Variants in ETHE1 observed in about 807,000 individuals in gnomAD.
ETHE1 encodes ETHE1 persulfide dioxygenase, also known as persulfide dioxygenase ETHE1, mitochondrial.
Under a neutral mutation model 25.7 loss-of-function variants are expected in ETHE1, and 16 were observed. The observed-to-expected ratio is 0.62, with a 90% CI of 0.42 to 0.95. The LOEUF (loss-of-function observed/expected upper bound fraction) is 0.95. Ranked by LOEUF, ETHE1 falls within the 40% of genes least tolerant of loss-of-function variation. The probability of loss-of-function intolerance (pLI) is 0.00; values close to 1 mark genes in which losing one functional copy is unlikely to be tolerated. For synonymous variants in ETHE1, 139 were observed against 135.9 expected, an observed-to-expected ratio of 1.02 and a Z score of -0.16; for missense variants, 300 against 333.6, an observed-to-expected ratio of 0.90 and a Z score of 0.79.
intron 5 of ETHE1, 35 bp from the exon 6 acceptor site, chr19:43,508,095 G>C: frequency 6.2e-7 from 1 of 1,611,544 alleles, no homozygotes; most frequent in Non-Finnish European, 8.5e-7. Context: ...AAGTCAAGGA[G>C]TCTAGTGCCT....
chr19:43,515,342 G>A (rs376685497), intron 3 of ETHE1, among the ~76,000 whole-genome samples: 4 of 151,380 alleles, frequency 2.6e-5, no homozygotes, highest in African/African-American at 4.9e-5. Flanking sequence ...GCTTTAACCC[G>A]GGAGGCGGAG....
intron 4 of ETHE1, among the ~76,000 whole-genome samples, chr19:43,509,275 C>G (rs1242367176): frequency 6.7e-6 from 1 of 148,738 alleles, no homozygotes; most frequent in South Asian, 2.2e-4. Context: ...GGTGGGTGGA[C>G]TACCTGAGGT....
chr19:43,509,789 C>G (rs1336691805), intron 4 of ETHE1, among the ~76,000 whole-genome samples: 1 of 152,024 alleles, frequency 6.6e-6, no homozygotes, highest in Non-Finnish European at 1.5e-5. Flanking sequence ...GAGCGAGACT[C>G]CGTCTCAAAA....
intron 3 of ETHE1, among the ~76,000 whole-genome samples, chr19:43,519,129 A>G (rs564543745): frequency 6.8e-6 from 1 of 146,262 alleles, no homozygotes; most frequent in East Asian, 2.1e-4. Flanking sequence ...CTCATGCTTC[A>G]GCCTCCTGAG....
At position 43,506,808 on chromosome 19, in the gene ETHE1, T is replaced by A; in HGVS notation, c.*42A>T. On this transcript the variant is annotated 3_prime_UTR_variant, in exon 7 of 7. Coordinates refer to ENST00000292147, the MANE Select transcript of ETHE1 (RefSeq NM_014297.5). The stretch of plus-strand genomic sequence containing the variant: ...GTCATTGCCGCCCTCTCCTCCCACC[T>A]AGTGCATTAATAGTGGATGGGAGCA... 6.4e-7 allele frequency: 1 copy of A among 1,566,718 alleles called. No homozygotes were observed. The highest frequency in any genetic ancestry group is 1.7e-5 in the Admixed American group (1 of 59,912).
chr19:43,526,582 T>C lies in ETHE1; in HGVS notation c.159A>G (p.Pro53=). Residue 53 remains proline, a synonymous_variant, in exon 2 of 7, where the codon CCA becomes CCG. Coordinates refer to ENST00000292147, the MANE Select transcript of ETHE1 (RefSeq NM_014297.5). Reference sequence around the variant, plus strand: ...CATCCCGAGGCGCTGTTTCCAGGACTGGGTCGATCAGAACGGCCTCCCGGG... The same window carrying C: ...CATCCCGAGGCGCTGTTTCCAGGACCGGGTCGATCAGAACGGCCTCCCGGG... The part of the protein sequence containing the change: ...RESREAVLID[P]VLETAPRDAQ... 1 of 1,614,078 alleles carries C rather than the reference T, an allele frequency of 6.2e-7. No homozygotes were observed. Among genetic ancestry groups the C allele is most frequent in the South Asian group, 1.1e-5 (1 of 91,068 alleles).
intron 3 of ETHE1, among the ~76,000 whole-genome samples, chr19:43,521,985 C>T (rs142021154): frequency 7.6e-4 from 116 of 152,036 alleles, no homozygotes; most frequent in African/African-American, 2.7e-3. Flanking sequence ...CAAGGAGGAT[C>T]GCTTGAGCCT....
Position 43,526,740 on chromosome 19 carries a change from C to T in ETHE1, c.82-81G>A, listed in dbSNP as rs771549133. On this transcript the variant is annotated intron_variant, in intron 1 of 6. Coordinates refer to ENST00000292147, the MANE Select transcript of ETHE1 (RefSeq NM_014297.5). ...CCAAGTAGTCCAGACTGACCCTATC[C>T]TCTTCCTAAGATCCAGAAGCAGAAA... is the stretch of plus-strand genomic sequence containing the variant. 166 of 1,603,510 alleles carry T rather than the reference C, an allele frequency of 1.0e-4. No homozygotes were observed. In the Middle Eastern group the frequency reaches 1.1e-3, roughly 11 times the overall value.
At chr19:43,521,998 G>A (rs1481099133) in intron 3 of ETHE1, among the ~76,000 whole-genome samples, 1 of 152,080 alleles carries the variant, frequency 6.6e-6, no homozygotes, top group South Asian at 2.1e-4. Context: ...TTGAGCCTAG[G>A]AGCCACCACA....
At chr19:43,524,001 C>T (rs1972189222) in intron 3 of ETHE1, among the ~76,000 whole-genome samples, 1 of 151,924 alleles carries the variant, frequency 6.6e-6, no homozygotes, top group Admixed American at 6.6e-5. Context: ...TTTGGGAGGC[C>T]AGGGCGCGCG....
chr19:43,508,857 G>A lies in ETHE1; in HGVS notation c.513C>T (p.Ala171=), dbSNP rs1299509126. The part of the protein sequence containing the change: ...CGRTDFQQGC[A]KTLYHSVHEK... ...CATGGACCGAGTGGTACAAGGTCTTGGCACAGCCTGGGGAAGGAAAGATCA... is the reference window on the plus strand; with the variant it reads ...CATGGACCGAGTGGTACAAGGTCTTAGCACAGCCTGGGGAAGGAAAGATCA... Residue 171 remains alanine, a synonymous_variant, in exon 5 of 7, where the codon GCC becomes GCT. Transcript: ENST00000292147. 1.9e-6 allele frequency: 3 copies of A among 1,604,282 alleles called. No individual in the cohort carries two copies. Among genetic ancestry groups the A allele is most frequent in the Non-Finnish European group, 8.5e-7 (1 of 1,175,556 alleles).
intron 4 of ETHE1, among the ~76,000 whole-genome samples, chr19:43,509,652 C>T (rs1231190445): frequency 2.6e-5 from 4 of 151,706 alleles, no homozygotes; most frequent in Non-Finnish European, 5.9e-5. Flanking sequence ...AAAAATTAGC[C>T]TGGCGTGATG....
chr19:43,508,698 C>T, intron 5 of ETHE1, 77 bp downstream of exon 5: 6 of 1,203,148 alleles, frequency 5.0e-6, no homozygotes, highest in South Asian at 1.3e-5. Flanking sequence ...CGTCTTCATG[C>T]CCTACAAGGA....
chr19:43,510,418 C>T (rs1971888781), intron 4 of ETHE1, among the ~76,000 whole-genome samples: 2 of 150,738 alleles, frequency 1.3e-5, no homozygotes, highest in African/African-American at 4.9e-5. Flanking sequence ...TCACTGCAAC[C>T]TCCGCCTCCT....
intron 1 of ETHE1, chr19:43,526,879 T>G: frequency 6.8e-7 from 1 of 1,473,086 alleles, no homozygotes; most frequent in Non-Finnish European, 8.9e-7. Context: ...CCCAGCACGT[T>G]CTTTCATAGA....
chr19:43,512,798 T>C (rs1433610008), intron 3 of ETHE1, among the ~76,000 whole-genome samples: 2 of 152,190 alleles, frequency 1.3e-5, no homozygotes, highest in Non-Finnish European at 2.9e-5. Flanking sequence ...GAAATTTGTA[T>C]AAGTAACGAG....
chr19:43,516,674 G>A lies in ETHE1; in HGVS notation c.376-5108C>T, dbSNP rs191364417. ...AGTCTCTCTCTGTCGCCCAGGCTGC[G>A]GAGTGCAGTGGCATGATCTCGGCTC... On this transcript the variant is annotated intron_variant, in intron 3 of 6. Coordinates refer to ENST00000292147, the MANE Select transcript of ETHE1 (RefSeq NM_014297.5). 1.5e-4 allele frequency among the ~76,000 whole-genome samples: 20 copies of A among 136,042 alleles called. No homozygotes were observed. In the East Asian group the frequency reaches 3.8e-3, roughly 26 times the overall value. 89.2% of individuals were successfully genotyped at this position (136,042 alleles called of 152,430 possible). A position where few individuals can be genotyped will look rare whatever the true frequency, so the allele number is the denominator to read the frequency against.
chr19:43,507,425 C>G, intron 6 of ETHE1, among the ~76,000 whole-genome samples: 1 of 92,614 alleles, frequency 1.1e-5, no homozygotes, highest in Non-Finnish European at 2.2e-5. Context: ...TCCCTCAGAC[C>G]CAGGAGCCCA....
intron 3 of ETHE1, among the ~76,000 whole-genome samples, chr19:43,523,743 C>A (rs1454254860): frequency 4.6e-5 from 7 of 152,034 alleles, no homozygotes; most frequent in Admixed American, 6.6e-5. Flanking sequence ...TGAGACCAGC[C>A]TGGCCAACAT....
Sources: gnomAD v4.1 joint callset for allele counts (sites outside exome capture counted in the v4.1 genomes callset) on GRCh38, gnomAD v4.1.1 for gene constraint, MANE v1.5 for transcripts, NCBI Gene and HGNC (gene_info 2026-07-23, HGNC 2026-07-21) for gene names.